PGPEP1: variants seen among roughly 807,000 people sequenced by gnomAD.
PGPEP1 encodes the protein pyroglutamyl-peptidase 1.
Under a neutral mutation model 24.1 loss-of-function variants are expected in PGPEP1, and 15 were observed. The ratio of observed to expected loss-of-function variants is 0.62; its 90% CI spans 0.42 to 0.96. The LOEUF is 0.96. PGPEP1 is among the 40% of genes least tolerant of loss of function. The pLI, the probability that PGPEP1 is intolerant of heterozygous loss-of-function variation, is 0.00. For synonymous variants in PGPEP1, 122 were observed against 116.4 expected, an observed-to-expected ratio of 1.05 and a Z score of -0.31; for missense variants, 242 against 273.4, an observed-to-expected ratio of 0.89 and a Z score of 0.81.
At chr19:18,341,813 G>A (rs1970677603) in intron 1 of PGPEP1, among the ~76,000 whole-genome samples, 1 of 152,140 alleles carries the variant, frequency 6.6e-6, no homozygotes, top group African/African-American at 2.4e-5. Context: ...AGAGTTAGGA[G>A]GTCCCCTCCT....
chr19:18,358,618 C>T (rs1215290032), intron 4 of PGPEP1, among the ~76,000 whole-genome samples: 3 of 147,178 alleles, frequency 2.0e-5, no homozygotes, highest in African/African-American at 7.5e-5. Context: ...AATAAGGTGA[C>T]ATTCTTTTTT....
chr19:18,367,114 C>T lies in PGPEP1; in HGVS notation c.*3531C>T, dbSNP rs1161275341. On this transcript the variant is annotated 3_prime_UTR_variant, in exon 5 of 5. Coordinates refer to ENST00000269919, the MANE Select transcript of PGPEP1 (RefSeq NM_017712.4). ...GAAGCCCCAGTGAGCCATGATCACA[C>T]CACTGTAGTCCAGCCCGGGTGACAC... is the stretch of plus-strand genomic sequence containing the variant. 1 of 147,676 alleles carries T rather than the reference C, an allele frequency of 6.8e-6. No individual in the cohort carries two copies. The highest frequency in any genetic ancestry group is 1.5e-5 in the Non-Finnish European group (1 of 67,766). The allele number at this position is 147,676 out of a possible 1,614,324, so 9.1% of individuals were successfully genotyped here.
chr19:18,363,344 T>C (rs1172811892), intron 4 of PGPEP1, 47 bp from the exon 5 acceptor site: 1 of 1,536,220 alleles, frequency 6.5e-7, no homozygotes, highest in Non-Finnish European at 8.9e-7. Flanking sequence ...ATTGCCCCTC[T>C]GACCCCGTTT....
At position 18,341,019 on chromosome 19, in the gene PGPEP1, C is replaced by G. The variant is rs1457479309; in HGVS notation, c.34+304C>G. On this transcript the variant is annotated intron_variant, in intron 1 of 4. Transcript: ENST00000269919. ...AAGGTGGGGATGGTGACCCTCCTGGCACCTGCCTCCTCTGTCTGGCCTGCG... is the reference window on the plus strand; with the variant it reads ...AAGGTGGGGATGGTGACCCTCCTGGGACCTGCCTCCTCTGTCTGGCCTGCG... Among the ~76,000 whole-genome samples the G allele has an allele frequency of 3.3e-5, 5 of 152,260 alleles. No individual in the cohort carries two copies. The East Asian group carries it at 9.7e-4, about 29-fold the overall frequency.
rs1469840327 is a variant in PGPEP1, at chr19:18,366,424, C to T, written c.*2841C>T. Reference sequence around the variant, plus strand: ...CCAGTCAAGCCAGTATCCCATCCTTCCTCATAATGCACAACATTTGGCTCA... The same window carrying T: ...CCAGTCAAGCCAGTATCCCATCCTTTCTCATAATGCACAACATTTGGCTCA... On this transcript the variant is annotated 3_prime_UTR_variant, in exon 5 of 5. Coordinates refer to ENST00000269919, the MANE Select transcript of PGPEP1 (RefSeq NM_017712.4). 1 of 152,152 alleles carries T rather than the reference C, an allele frequency of 6.6e-6. No homozygotes were observed. The highest frequency in any genetic ancestry group is 2.4e-5 in the African/African-American group (1 of 41,430). The allele number at this position is 152,152 out of a possible 1,614,324, so 9.4% of individuals were successfully genotyped here. A position where few individuals can be genotyped will look rare whatever the true frequency, so the allele number is the denominator to read the frequency against.
chr19:18,341,355 C>CT (rs931423388), intron 1 of PGPEP1, among the ~76,000 whole-genome samples: 62 of 152,302 alleles, frequency 4.1e-4, no homozygotes, highest in African/African-American at 1.5e-3. Flanking sequence ...CTGTCACCGA[C>CT]TCCCCCCCAC....
At chr19:18,356,895 A>G (rs1348753979) in intron 3 of PGPEP1, among the ~76,000 whole-genome samples, 2 of 152,028 alleles carry the variant, frequency 1.3e-5, no homozygotes, top group Non-Finnish European at 2.9e-5. Flanking sequence ...AGAATTAGCC[A>G]GGTGTGGTGG....
At chr19:18,361,233 G>A (rs10402064) in intron 4 of PGPEP1, among the ~76,000 whole-genome samples, 2,845 of 151,724 alleles carry the variant, frequency 0.019, 95 homozygotes, top group African/African-American at 0.065. Context: ...TGCCTCCCAG[G>A]TTCAAGTGAT....
In PGPEP1 at chr19:18,368,819, C is replaced by T. The variant is rs569851314; in HGVS notation, c.*5236C>T. 7.9e-3 allele frequency: 1,202 copies of T among 152,798 alleles called. 9 individuals are homozygous for T. Among genetic ancestry groups the T allele is most frequent in the South Asian group, 0.018 (86 of 4,832 alleles). 9.5% of individuals were successfully genotyped at this position (152,798 alleles called of 1,614,324 possible). ...TATTCTCCGCAGCCCCAGCCTCTAT[C>T]CTGAGGCCTCTGGGAGCTGCGTGAC... On this transcript the variant is annotated 3_prime_UTR_variant, in exon 5 of 5. Transcript: ENST00000269919.
Position 18,369,903 on chromosome 19 carries a change from C to T in PGPEP1, c.*6320C>T, listed in dbSNP as rs1971659252. On this transcript the variant is annotated 3_prime_UTR_variant, in exon 5 of 5. Transcript: ENST00000269919. ...CTGCCTGGGGCTGGGCTCTAGGAGACCCCAAATTTGACACCACAGAAAGCA... is the reference window on the plus strand; with the variant it reads ...CTGCCTGGGGCTGGGCTCTAGGAGATCCCAAATTTGACACCACAGAAAGCA... 1 of 152,046 alleles carries T rather than the reference C, an allele frequency of 6.6e-6. No homozygotes were observed. The allele number at this position is 152,046 out of a possible 1,614,324, so 9.4% of individuals were successfully genotyped here.
At chr19:18,342,391 T>G (rs983794823) in intron 1 of PGPEP1, among the ~76,000 whole-genome samples, 1 of 152,116 alleles carries the variant, frequency 6.6e-6, no homozygotes, top group Non-Finnish European at 1.5e-5. Context: ...CTTGGGCGAC[T>G]GTCGTGTTTT....
intron 2 of PGPEP1, chr19:18,349,099 C>T (rs779431770): frequency 3.0e-6 from 3 of 983,876 alleles, no homozygotes; most frequent in Non-Finnish European, 2.4e-6. Flanking sequence ...ACATGAACAC[C>T]TCTCTTGTGA....
chr19:18,342,984 G>T, intron 2 of PGPEP1, 73 bp downstream of exon 2: 1 of 1,160,514 alleles, frequency 8.6e-7, no homozygotes, highest in Non-Finnish European at 1.3e-6. Flanking sequence ...CATCCAAGAA[G>T]GTCCCCTTTT....
At chr19:18,352,312 C>T (rs1308782566) in intron 2 of PGPEP1, among the ~76,000 whole-genome samples, 1 of 135,570 alleles carries the variant, frequency 7.4e-6, no homozygotes, top group Non-Finnish European at 1.6e-5. Context: ...TCCCAGTACT[C>T]GGGAGTACTG....
At chr19:18,343,679 CTTTTTTTTTT>C (rs3078437) in intron 2 of PGPEP1, among the ~76,000 whole-genome samples, 1 of 115,100 alleles carries the variant, frequency 8.7e-6, no homozygotes, top group African/African-American at 3.5e-5. Context: ...GGATCTCCCT[CTTTTTTTTTT>C]TTTTTTTTTT....
chr19:18,349,740 A>G (rs1970967791), intron 2 of PGPEP1, among the ~76,000 whole-genome samples: 1 of 152,168 alleles, frequency 6.6e-6, no homozygotes, highest in African/African-American at 2.4e-5. Flanking sequence ...CAGTCTCGCC[A>G]CGGGTCATGC....
Position 18,360,777 on chromosome 19 carries a change from G to A in PGPEP1, c.438-2614G>A, listed in dbSNP as rs531172971. On this transcript the variant is annotated intron_variant, in intron 4 of 4. Transcript: ENST00000269919. The stretch of plus-strand genomic sequence containing the variant: ...TGACCTCAGGTGATTCGCCTGCCTC[G>A]GCCTCCCAAAGTGCTGGGATTACAG... 4.0e-5 allele frequency among the ~76,000 whole-genome samples: 6 copies of A among 151,710 alleles called. No homozygotes were observed. In the South Asian group the frequency reaches 8.3e-4, roughly 21 times the overall value.
At chr19:18,343,800 A>G (rs1253406154) in intron 2 of PGPEP1, among the ~76,000 whole-genome samples, 1 of 148,894 alleles carries the variant, frequency 6.7e-6, no homozygotes, top group Admixed American at 6.9e-5. Context: ...CTCCTGCCTC[A>G]GCCTCCAGAG....
At chr19:18,361,828 T>A in intron 4 of PGPEP1, 1 of 985,388 alleles carries the variant, frequency 1.0e-6, no homozygotes, top group Non-Finnish European at 1.2e-6. Flanking sequence ...TGGAGTCACA[T>A]GGCGAAAGTC....
Sources: allele counts gnomAD v4.1 joint callset (sites outside exome capture counted in the v4.1 genomes callset), GRCh38; gene constraint gnomAD v4.1.1; transcripts MANE v1.5; gene names NCBI Gene and HGNC (gene_info 2026-07-23, HGNC 2026-07-21).